DMD: variants seen among roughly 807,000 people sequenced by gnomAD.
The protein encoded by DMD is mutant dystrophin.
Under a neutral mutation model 330.1 loss-of-function variants are expected in DMD, and 63 were observed. The ratio of observed to expected loss-of-function variants is 0.19; its 90% CI spans 0.16 to 0.24. The LOEUF is 0.24. DMD is among the 10% of genes least tolerant of loss of function. DMD has a pLI of 1.00. For missense variants in DMD, 3,344 were observed against 2,684.1 expected, an observed-to-expected ratio of 1.25 and a Z score of -5.43; for synonymous variants, 1,223 against 959.8, an observed-to-expected ratio of 1.27 and a Z score of -5.07.
intron 1 of DMD, among the ~76,000 whole-genome samples, chrX:33,120,089 G>A (rs146552117): frequency 0.036 from 4,047 of 111,752 alleles, 203 homozygotes; most frequent in African/African-American, 0.13. Context: ...GCCCTGTTTT[G>A]TTTAAGCATG....
intron 44 of DMD, among the ~76,000 whole-genome samples, chrX:32,120,787 C>T (rs1355247653): frequency 2.7e-5 from 3 of 111,723 alleles, no homozygotes; most frequent in Non-Finnish European, 3.8e-5. Flanking sequence ...TACTGAGTCT[C>T]CAAGGTGGTT....
chrX:32,654,920 T>G (rs945167716), intron 9 of DMD, among the ~76,000 whole-genome samples: 1 of 112,101 alleles, frequency 8.9e-6, no homozygotes, highest in Non-Finnish European at 1.9e-5. Flanking sequence ...TTCTAGATTT[T>G]CTAGTTTATT....
At chrX:33,232,139 G>T (rs1022244165) in intron 1 of DMD, among the ~76,000 whole-genome samples, 2 of 112,048 alleles carry the variant, frequency 1.8e-5, no homozygotes, top group African/African-American at 6.5e-5. Flanking sequence ...TACTTTATCA[G>T]ACAAACACGC....
At chrX:31,319,253 G>A (rs1012293855) in intron 62 of DMD, among the ~76,000 whole-genome samples, 1 of 111,938 alleles carries the variant, frequency 8.9e-6, no homozygotes, top group Non-Finnish European at 1.9e-5. Flanking sequence ...TTATCTTTCC[G>A]TCAAGGACAG....
chrX:33,008,869 T>TA (rs1427836795), intron 2 of DMD, among the ~76,000 whole-genome samples: 5 of 53,322 alleles, frequency 9.4e-5, no homozygotes, highest in Non-Finnish European at 1.8e-4. Context: ...TATATACACA[T>TA]ACTCATATAT....
chrX:31,378,320 G>A (rs145501353), intron 60 of DMD, among the ~76,000 whole-genome samples: 4 of 110,699 alleles, frequency 3.6e-5, no homozygotes, highest in Admixed American at 9.6e-5. Context: ...TTTAAATCAG[G>A]TAAGCGGCCT....
At position 32,455,573 on chromosome X, in the gene DMD, C is replaced by T. The variant is rs73207753; in HGVS notation, c.3433-741G>A. ...AAACATATAAAAATGTTAATGTCCA[C>T]GAATCTGAGTCAACTGCTCCATTTT... On this transcript the variant is annotated intron_variant, in intron 25 of 78. Transcript: ENST00000357033. Among the ~76,000 whole-genome samples, 843 of 111,040 alleles carry T rather than the reference C, an allele frequency of 7.6e-3. 13 individuals carry two copies. The highest frequency in any genetic ancestry group is 0.018 in the Middle Eastern group (4 of 217).
intron 9 of DMD, among the ~76,000 whole-genome samples, chrX:32,669,590 C>T (rs1293738792): frequency 9.0e-6 from 1 of 111,722 alleles, no homozygotes; most frequent in Non-Finnish European, 1.9e-5. Flanking sequence ...TCCACCCTAG[C>T]CCCTGCAATG....
At chrX:32,787,274 AAG>A (rs1445717948) in intron 7 of DMD, among the ~76,000 whole-genome samples, 3 of 87,997 alleles carry the variant, frequency 3.4e-5, no homozygotes, top group African/African-American at 4.1e-5. Flanking sequence ...GAGAGAGAGA[AAG>A]AGAGAGAGAA....
At chrX:32,982,200 A>G (rs2092723789) in intron 2 of DMD, among the ~76,000 whole-genome samples, 1 of 111,707 alleles carries the variant, frequency 9.0e-6, no homozygotes, top group South Asian at 3.7e-4. Context: ...TTTTATAGAC[A>G]CTTGAATATG....
chrX:31,347,904 T>C (rs1028532842), intron 61 of DMD, among the ~76,000 whole-genome samples: 2 of 112,512 alleles, frequency 1.8e-5, no homozygotes, highest in Admixed American at 9.4e-5. Context: ...TTTTGAATAA[T>C]AGCCATTCTA....
chrX:32,670,674 T>G (rs2147195482), intron 9 of DMD, among the ~76,000 whole-genome samples: 1 of 112,363 alleles, frequency 8.9e-6, no homozygotes, highest in Admixed American at 9.5e-5. Flanking sequence ...TATTTGGAAT[T>G]TTAAGAAAGT....
intron 12 of DMD, among the ~76,000 whole-genome samples, chrX:32,607,554 A>G (rs771235826): frequency 9.0e-6 from 1 of 110,508 alleles, no homozygotes; most frequent in Admixed American, 9.7e-5. Context: ...GAAATCCACT[A>G]GAAATTCTGT....
intron 1 of DMD, among the ~76,000 whole-genome samples, chrX:33,079,885 T>A (rs2094901687): frequency 1.8e-5 from 2 of 111,540 alleles, no homozygotes; most frequent in African/African-American, 6.5e-5. Context: ...GATAACTGAA[T>A]TTGTCTCTTC....
chrX:31,375,949 T>G (rs935215626), intron 60 of DMD, among the ~76,000 whole-genome samples: 2 of 112,215 alleles, frequency 1.8e-5, no homozygotes, highest in African/African-American at 6.5e-5. Flanking sequence ...AGGTACCTTT[T>G]CTGGCTTCTC....
At chrX:31,540,443 G>A (rs1345520637) in intron 55 of DMD, among the ~76,000 whole-genome samples, 2 of 112,098 alleles carry the variant, frequency 1.8e-5, no homozygotes, top group African/African-American at 6.5e-5. Flanking sequence ...CTAAACATGT[G>A]CTTTTCTAAA....
At chrX:33,103,679 A>C (rs941834538) in intron 1 of DMD, among the ~76,000 whole-genome samples, 1 of 111,609 alleles carries the variant, frequency 9.0e-6, no homozygotes, top group Non-Finnish European at 1.9e-5. Flanking sequence ...TTTATTGCTC[A>C]CACAAAGCCT....
chrX:31,822,678 G>GTGTGTGTGTGTGTGTT (rs2092797442), intron 49 of DMD, among the ~76,000 whole-genome samples: 1 of 104,044 alleles, frequency 9.6e-6, no homozygotes, highest in Non-Finnish European at 2.0e-5. Flanking sequence ...GTGTGTGTGT[G>GTGTGTGTGTGTGTGTT]TGTGTGTGTG....
intron 19 of DMD, among the ~76,000 whole-genome samples, chrX:32,495,387 T>C (rs1323470677): frequency 8.9e-6 from 1 of 111,787 alleles, no homozygotes; most frequent in Non-Finnish European, 1.9e-5. Flanking sequence ...GAGACCAATG[T>C]ACACTGAAGC....
Sources: gnomAD v4.1 joint callset for allele counts (sites outside exome capture counted in the v4.1 genomes callset) on GRCh38, gnomAD v4.1.1 for gene constraint, MANE v1.5 for transcripts, NCBI Gene and HGNC (gene_info 2026-07-23, HGNC 2026-07-21) for gene names.